MTUS2: variants seen among roughly 807,000 people sequenced by gnomAD.
The protein encoded by MTUS2 is microtubule associated scaffold protein 2.
Under a neutral mutation model 114.1 loss-of-function variants are expected in MTUS2, and 40 were observed. The observed-to-expected ratio is 0.35, with a 90% CI of 0.27 to 0.46. The LOEUF is 0.46. Ranked by LOEUF, MTUS2 falls within the 20% of genes least tolerant of loss-of-function variation. The probability of loss-of-function intolerance (pLI) is 1.00; values close to 1 mark genes in which losing one functional copy is unlikely to be tolerated. For synonymous variants in MTUS2, 688 were observed against 672.0 expected (o/e 1.02, Z -0.37); for missense variants, 1,679 against 1,705.4 (o/e 0.98, Z 0.27).
At chr13:29,209,272 G>A (rs1895321397) in intron 5 of MTUS2, among the ~76,000 whole-genome samples, 1 of 152,040 alleles carries the variant, frequency 6.6e-6, no homozygotes, top group Non-Finnish European at 1.5e-5. Flanking sequence ...CCATTTGCAT[G>A]GAATATCTTT....
At chr13:28,924,538 T>C (rs1055334840) in intron 2 of MTUS2, among the ~76,000 whole-genome samples, 15 of 152,180 alleles carry the variant, frequency 9.9e-5, no homozygotes, top group South Asian at 2.1e-4. Context: ...AGTCATGTCA[T>C]TCCATTAATA....
chr13:29,383,933 C>T (rs1466076103), intron 8 of MTUS2, among the ~76,000 whole-genome samples: 1 of 92,090 alleles, frequency 1.1e-5, no homozygotes, highest in African/African-American at 2.9e-5. Flanking sequence ...AAAACTTACT[C>T]AGCAAAACAT....
At chr13:29,064,409 T>A (rs1243831842) in intron 4 of MTUS2, among the ~76,000 whole-genome samples, 1 of 147,920 alleles carries the variant, frequency 6.8e-6, no homozygotes, top group Non-Finnish European at 1.5e-5. Context: ...TTTTTTTTTT[T>A]TTTTTGACAG....
chr13:29,026,473 C>G lies in MTUS2; in HGVS notation c.1775C>G (p.Thr592Ser), dbSNP rs1886556001. 2 of 1,613,874 alleles carry G rather than the reference C, an allele frequency of 1.2e-6. No individual in the cohort carries two copies. Among genetic ancestry groups the G allele is most frequent in the African/African-American group, 2.7e-5 (2 of 74,922 alleles). Residue 592 changes from threonine to serine, a missense_variant, in exon 3 of 16, where the codon ACT (threonine) becomes AGT (serine). Transcript: ENST00000612955. ...NTSPKVPDKNTCPSGIPKPVF... is the reference protein window; with the variant it reads ...NTSPKVPDKNSCPSGIPKPVF... ...TCCCCCAAAGTGCCTGACAAGAACACTTGCCCCAGTGGGATCCCCAAGCCT... is the reference window on the plus strand; with the variant it reads ...TCCCCCAAAGTGCCTGACAAGAACAGTTGCCCCAGTGGGATCCCCAAGCCT...
intron 8 of MTUS2, among the ~76,000 whole-genome samples, chr13:29,408,029 A>G (rs1874920634): frequency 6.6e-6 from 1 of 151,926 alleles, no homozygotes; most frequent in Non-Finnish European, 1.5e-5. Context: ...CTATCGTGTT[A>G]TATTTAGCTT....
chr13:28,850,016 T>C (rs977062233), intron 2 of MTUS2, among the ~76,000 whole-genome samples: 3 of 152,122 alleles, frequency 2.0e-5, no homozygotes, highest in Non-Finnish European at 2.9e-5. Context: ...AAACGATGAA[T>C]GGGACAAATG....
intron 2 of MTUS2, among the ~76,000 whole-genome samples, chr13:28,876,965 T>A (rs1877972978): frequency 1.3e-5 from 2 of 152,046 alleles, no homozygotes; most frequent in South Asian, 4.1e-4. Flanking sequence ...ATTTATACGT[T>A]GCTTATTGTC....
intron 2 of MTUS2, among the ~76,000 whole-genome samples, chr13:29,004,366 C>A (rs1885513924): frequency 6.7e-6 from 1 of 149,878 alleles, no homozygotes; most frequent in Non-Finnish European, 1.5e-5. Context: ...TGTCCTACAG[C>A]ATTCTCTATA....
At chr13:29,276,756 G>T (rs943293348) in intron 5 of MTUS2, among the ~76,000 whole-genome samples, 5 of 152,152 alleles carry the variant, frequency 3.3e-5, no homozygotes, top group Admixed American at 3.3e-4. Context: ...ACATTAGCCA[G>T]CCATGGTGGT....
chr13:29,492,533 ATACGGGAGTCATTTATT>A, intron 11 of MTUS2, 96 bp from the exon 12 acceptor site: 2 of 747,896 alleles, frequency 2.7e-6, no homozygotes, highest in South Asian at 3.4e-5. Context: ...TGAATCTGCT[ATACGGGAGTCATTTATT>A]TACCTGAAGT....
At chr13:29,339,440 CT>C in intron 7 of MTUS2, 2 of 153,314 alleles carry the variant, frequency 1.3e-5, no homozygotes, top group Non-Finnish European at 1.5e-5. Context: ...ATCGAATTTC[CT>C]TTTTCCCTTG....
intron 8 of MTUS2, among the ~76,000 whole-genome samples, chr13:29,427,333 A>G (rs897385683): frequency 3.9e-5 from 6 of 152,288 alleles, no homozygotes; most frequent in Admixed American, 2.0e-4. Flanking sequence ...TCAGTCAACA[A>G]TGTATATCAT....
intron 1 of MTUS2, among the ~76,000 whole-genome samples, chr13:28,830,276 G>A (rs1390853405): frequency 2.6e-5 from 4 of 151,992 alleles, no homozygotes; most frequent in Non-Finnish European, 5.9e-5. Context: ...TAGCATATGG[G>A]CCATAACAGG....
chr13:29,325,558 GGAAGAAGAAGAA>G (rs200961450), intron 7 of MTUS2, among the ~76,000 whole-genome samples: 2 of 144,792 alleles, frequency 1.4e-5, no homozygotes, highest in African/African-American at 5.3e-5. Flanking sequence ...AGGAAGAAGA[GGAAGAAGAAGAA>G]GAGGAGGAGG....
intron 2 of MTUS2, among the ~76,000 whole-genome samples, chr13:29,003,352 G>A (rs1046044614): frequency 2.0e-5 from 3 of 152,210 alleles, no homozygotes; most frequent in African/African-American, 4.8e-5. Flanking sequence ...GGCAAGTCTG[G>A]ATTCAAGTCC....
At chr13:29,142,249 T>G (rs1280048205) in intron 5 of MTUS2, among the ~76,000 whole-genome samples, 1 of 152,160 alleles carries the variant, frequency 6.6e-6, no homozygotes, top group Non-Finnish European at 1.5e-5. Context: ...TGCATTAGAA[T>G]TACATGATGG....
chr13:29,022,296 C>G (rs1886325149), intron 2 of MTUS2, among the ~76,000 whole-genome samples: 1 of 152,118 alleles, frequency 6.6e-6, no homozygotes, highest in South Asian at 2.1e-4. Context: ...TGAGGAGGAG[C>G]ATGAGGATGG....
chr13:29,485,593 G>C (rs1001940702), intron 10 of MTUS2, among the ~76,000 whole-genome samples: 5 of 152,086 alleles, frequency 3.3e-5, no homozygotes, highest in Non-Finnish European at 7.4e-5. Flanking sequence ...AAAGCACCTC[G>C]GAAAGGTTGT....
chr13:29,494,903 G>A (rs1264673073), intron 12 of MTUS2, among the ~76,000 whole-genome samples: 1 of 151,904 alleles, frequency 6.6e-6, no homozygotes. Context: ...AGTCGGATGT[G>A]GGTCAGGCAC....
Sources: allele counts gnomAD v4.1 joint callset (sites outside exome capture counted in the v4.1 genomes callset), GRCh38; gene constraint gnomAD v4.1.1; transcripts MANE v1.5; gene names NCBI Gene and HGNC (gene_info 2026-07-23, HGNC 2026-07-21).